Variants in PCDH9 observed in about 807,000 individuals in gnomAD.
The protein encoded by PCDH9 is protocadherin-9.
A neutral mutation model predicts 70.6 loss-of-function variants in PCDH9; 24 were observed. The observed-to-expected ratio is 0.34, with a 90% confidence interval of 0.25 to 0.48. The LOEUF is 0.48. Ranked by LOEUF, PCDH9 falls within the 20% of genes least tolerant of loss-of-function variation. The pLI, the probability that PCDH9 is intolerant of heterozygous loss-of-function variation, is 0.99. For synonymous variants in PCDH9, 562 were observed against 558.5 expected, an observed-to-expected ratio of 1.01 and a Z score of -0.09; for missense variants, 1,281 against 1,503.6, an observed-to-expected ratio of 0.85 and a Z score of 2.45.
chr13:66,389,594 A>G (rs951465956), intron 4 of PCDH9, among the ~76,000 whole-genome samples: 9 of 152,208 alleles, frequency 5.9e-5, no homozygotes, highest in African/African-American at 2.2e-4. Flanking sequence ...TCCCGTAGAT[A>G]TGAACACAGG....
intron 4 of PCDH9, among the ~76,000 whole-genome samples, chr13:66,584,106 AT>A (rs1293166453): frequency 8.5e-5 from 13 of 152,166 alleles, no homozygotes; most frequent in African/African-American, 3.1e-4. Flanking sequence ...GTTGTGTTTG[AT>A]TTGAGTCAAT....
chr13:66,507,434 A>T (rs1348144509), intron 4 of PCDH9, among the ~76,000 whole-genome samples: 1 of 152,020 alleles, frequency 6.6e-6, no homozygotes, highest in Non-Finnish European at 1.5e-5. Flanking sequence ...TTCTTTCTTT[A>T]TGCCACCCCT....
intron 4 of PCDH9, among the ~76,000 whole-genome samples, chr13:66,358,821 T>C (rs1240473355): frequency 6.6e-6 from 1 of 152,012 alleles, no homozygotes; most frequent in African/African-American, 2.4e-5. Context: ...AGGTGATTTA[T>C]AGACAGAAGT....
intron 2 of PCDH9, among the ~76,000 whole-genome samples, chr13:67,034,704 G>A (rs1430123243): frequency 2.0e-5 from 3 of 150,940 alleles, no homozygotes; most frequent in African/African-American, 7.3e-5. Context: ...AGTTCCAGGG[G>A]TATATGTACA....
chr13:66,364,514 A>G (rs1956521992), intron 4 of PCDH9, among the ~76,000 whole-genome samples: 1 of 152,208 alleles, frequency 6.6e-6, no homozygotes, highest in Non-Finnish European at 1.5e-5. Context: ...ACTGAGCAGT[A>G]AGTTTATTTT....
chr13:67,176,756 C>T (rs1416089170), intron 2 of PCDH9, among the ~76,000 whole-genome samples: 6 of 152,030 alleles, frequency 3.9e-5, no homozygotes, highest in Non-Finnish European at 8.8e-5. Flanking sequence ...CATTTTTTGT[C>T]ACAGACATAG....
chr13:66,690,474 T>C (rs2078467818), intron 3 of PCDH9, among the ~76,000 whole-genome samples: 1 of 152,122 alleles, frequency 6.6e-6, no homozygotes, highest in African/African-American at 2.4e-5. Context: ...GGTTAAAGAA[T>C]CATAAGCCAT....
chr13:66,464,505 G>A (rs993123310), intron 4 of PCDH9, among the ~76,000 whole-genome samples: 1 of 151,944 alleles, frequency 6.6e-6, no homozygotes, highest in Admixed American at 6.6e-5. Flanking sequence ...AAAAGCAAAA[G>A]AGTTTATATA....
At position 66,900,161 on chromosome 13, in the gene PCDH9, A is replaced by G. The variant is rs1028973330; in HGVS notation, c.3138+3343T>C. 2.6e-5 allele frequency among the ~76,000 whole-genome samples: 4 copies of G among 151,984 alleles called. No individual in the cohort carries two copies. In the South Asian group the frequency reaches 8.3e-4, roughly 31 times the overall value. Reference sequence around the variant, plus strand: ...GCTGTTACTTAGATAATATCATGGCATAGTTATCTTTGCAGTTTCTGAAGC... The same window carrying G: ...GCTGTTACTTAGATAATATCATGGCGTAGTTATCTTTGCAGTTTCTGAAGC... On this transcript the variant is annotated intron_variant, in intron 3 of 4. Coordinates refer to ENST00000377865, the MANE Select transcript of PCDH9 (RefSeq NM_203487.3).
At chr13:66,462,884 T>C (rs1178367861) in intron 4 of PCDH9, among the ~76,000 whole-genome samples, 2 of 151,796 alleles carry the variant, frequency 1.3e-5, no homozygotes, top group African/African-American at 4.8e-5. Flanking sequence ...TAAATTCACT[T>C]GCTTTCCACT....
At chr13:67,172,804 G>A (rs2088329951) in intron 2 of PCDH9, among the ~76,000 whole-genome samples, 1 of 151,238 alleles carries the variant, frequency 6.6e-6, no homozygotes, top group Non-Finnish European at 1.5e-5. Flanking sequence ...CTTGAGCCCG[G>A]GAGGTGTAGG....
chr13:66,561,124 G>A (rs980436383), intron 4 of PCDH9, among the ~76,000 whole-genome samples: 6 of 152,214 alleles, frequency 3.9e-5, no homozygotes, highest in African/African-American at 7.2e-5. Flanking sequence ...CGCGAGTTCC[G>A]GGTGGCCGTG....
At chr13:66,685,055 A>T (rs1261592991) in intron 3 of PCDH9, among the ~76,000 whole-genome samples, 1 of 152,078 alleles carries the variant, frequency 6.6e-6, no homozygotes, top group East Asian at 1.9e-4. Context: ...TTCTGAGGAG[A>T]AATTCAAGCC....
chr13:66,619,930 T>C (rs970794508), intron 4 of PCDH9, among the ~76,000 whole-genome samples: 2 of 152,202 alleles, frequency 1.3e-5, no homozygotes, highest in African/African-American at 4.8e-5. Flanking sequence ...TTTTATTCAC[T>C]TTCTATGTTG....
At chr13:66,409,158 GA>G (rs201437479) in intron 4 of PCDH9, among the ~76,000 whole-genome samples, 20 of 148,602 alleles carry the variant, frequency 1.3e-4, no homozygotes, top group African/African-American at 4.4e-4. Flanking sequence ...TTTGAGAAAT[GA>G]AAAAAAAAGG....
intron 4 of PCDH9, among the ~76,000 whole-genome samples, chr13:66,505,566 A>AG (rs1959202658): frequency 6.6e-6 from 1 of 151,804 alleles, no homozygotes; most frequent in Non-Finnish European, 1.5e-5. Context: ...CATATGGTTG[A>AG]GGGGGAGGCC....
At chr13:66,409,249 A>G (rs1957331751) in intron 4 of PCDH9, among the ~76,000 whole-genome samples, 1 of 152,224 alleles carries the variant, frequency 6.6e-6, no homozygotes, top group South Asian at 2.1e-4. Flanking sequence ...GTCAATAGAA[A>G]AACATGTTTA....
chr13:67,098,303 AC>A (rs2086363288), intron 2 of PCDH9, among the ~76,000 whole-genome samples: 1 of 152,208 alleles, frequency 6.6e-6, no homozygotes, highest in South Asian at 2.1e-4. Context: ...AAGTAATGGA[AC>A]TAAGAGATCT....
At position 67,227,129 on chromosome 13, in the gene PCDH9, T is replaced by C; in HGVS notation, c.1312A>G (p.Lys438Glu). The C allele has an allele frequency of 6.2e-7, 1 of 1,613,974 alleles. No homozygotes were observed. The highest frequency in any genetic ancestry group is 1.1e-5 in the South Asian group (1 of 91,074). ...DYEGTKEFSF[K>E]IVASDSGKPS... ...TTCCCAGAATCAGAGGCAACAATTT[T>C]AAAGCTGAATTCTTTGGTGCCCTCA... The change falls in exon 2 of 5, where the codon AAA becomes GAA. Residue 438 changes from lysine (K) to glutamate (E), a missense_variant. Physicochemically the swap from Lys to Glu is moderately conservative, Grantham distance 56. Around this residue, in one of 4 missense-constraint regions of PCDH9, gnomAD observed 798 missense variants for 1,003.1 expected, o/e 0.80. Coordinates refer to ENST00000377865, the MANE Select transcript of PCDH9 (RefSeq NM_203487.3). The surrounding 1 kb of genome is among the most constrained non-coding windows in gnomAD (Gnocchi z 4.6).
Sources: gnomAD v4.1 joint callset for allele counts (sites outside exome capture counted in the v4.1 genomes callset) on GRCh38, gnomAD v4.1.1 for gene constraint, gnomAD v4.1.1 regional missense constraint, Gnocchi (gnomAD v3.1) non-coding constraint, MANE v1.5 for transcripts, NCBI Gene and HGNC (gene_info 2026-07-23, HGNC 2026-07-21) for gene names.